MPHOSPH9: variants seen among roughly 807,000 people sequenced by gnomAD.
The protein encoded by MPHOSPH9 is M-phase phosphoprotein 9.
A neutral mutation model predicts 145.5 loss-of-function variants in MPHOSPH9; 88 were observed. That is an observed-to-expected ratio of 0.60 (90% CI 0.51 to 0.72). The LOEUF (loss-of-function observed/expected upper bound fraction) is 0.72. Among genes scored for constraint, MPHOSPH9 ranks in the 30% least tolerant of loss-of-function variants. The pLI is 0.00. For missense variants in MPHOSPH9, 1,238 were observed against 1,386.6 expected (o/e 0.89, Z 1.70); for synonymous variants, 435 against 486.2 (o/e 0.89, Z 1.39).
intron 13 of MPHOSPH9, among the ~76,000 whole-genome samples, chr12:123,182,235 G>A (rs780229971): frequency 2.7e-5 from 4 of 146,084 alleles, no homozygotes; most frequent in Non-Finnish European, 4.5e-5. Flanking sequence ...CATCATGCCC[G>A]GTGTTTTTTT....
chr12:123,221,562 G>C lies in MPHOSPH9; in HGVS notation c.682C>G (p.Gln228Glu). The change falls in exon 5 of 24, where the codon CAG becomes GAG. Residue 228 changes from glutamine (Q) to glutamate (E), a missense_variant. Gln to Glu is a conservative substitution (Grantham distance 29). This residue lies in a region of MPHOSPH9 where 837 missense variants were observed against 897.5 expected (regional missense o/e 0.93). Coordinates refer to ENST00000606320, the MANE Select transcript of MPHOSPH9 (RefSeq NM_022782.4). Reference protein sequence around the residue: ...FMEHIDVPKGQYVAPAVPAES... With the variant: ...FMEHIDVPKGEYVAPAVPAES... Reference sequence around the variant, plus strand: ...GCCGGCACCGCAGGTGCTACATACTGTCCTTTGGGAACATCTATGTGCTCC... The same window carrying C: ...GCCGGCACCGCAGGTGCTACATACTCTCCTTTGGGAACATCTATGTGCTCC... 2 of 1,614,108 alleles carry C rather than the reference G, an allele frequency of 1.2e-6. No individual in the cohort carries two copies. Among genetic ancestry groups the C allele is most frequent in the Non-Finnish European group, 1.7e-6 (2 of 1,180,010 alleles).
chr12:123,215,015 G>A (rs557995110), intron 6 of MPHOSPH9, among the ~76,000 whole-genome samples, 181 bp from the exon 7 acceptor site: 2 of 152,292 alleles, frequency 1.3e-5, no homozygotes, highest in South Asian at 2.1e-4. Flanking sequence ...AGGCCGAGGC[G>A]GGTGGATCAC....
At chr12:123,161,663 C>CAAAAAAAAAAAAA (rs201067689) in intron 21 of MPHOSPH9, among the ~76,000 whole-genome samples, 1 of 66,968 alleles carries the variant, frequency 1.5e-5, no homozygotes, top group African/African-American at 5.9e-5. Context: ...AAACTTAAAG[C>CAAAAAAAAAAAAA]AAAAAAAAAA....
At chr12:123,168,541 A>T (rs966162222) in intron 16 of MPHOSPH9, among the ~76,000 whole-genome samples, 12 of 151,592 alleles carry the variant, frequency 7.9e-5, no homozygotes, top group Non-Finnish European at 1.6e-4. Flanking sequence ...ACGGGGTTTC[A>T]CCGTGTTAGC....
At chr12:123,172,654 C>T (rs2044637833) in intron 16 of MPHOSPH9, among the ~76,000 whole-genome samples, 1 of 151,988 alleles carries the variant, frequency 6.6e-6, no homozygotes, top group African/African-American at 2.4e-5. Flanking sequence ...TTTCATGTGT[C>T]ATGAAATATT....
At chr12:123,184,226 T>C (rs1038061689) in intron 13 of MPHOSPH9, among the ~76,000 whole-genome samples, 24 of 151,622 alleles carry the variant, frequency 1.6e-4, no homozygotes, top group African/African-American at 5.6e-4. Context: ...TATTAACAAA[T>C]AATTTTCTTT....
At chr12:123,192,324 T>C (rs961090931) in intron 13 of MPHOSPH9, among the ~76,000 whole-genome samples, 4 of 151,292 alleles carry the variant, frequency 2.6e-5, no homozygotes, top group African/African-American at 9.7e-5. Flanking sequence ...TGTGGTGGCG[T>C]GCACCTGTAA....
At chr12:123,225,546 G>C (rs1490538040) in intron 3 of MPHOSPH9, among the ~76,000 whole-genome samples, 1 of 136,662 alleles carries the variant, frequency 7.3e-6, no homozygotes, top group East Asian at 2.4e-4. Context: ...GGGAGGGAGG[G>C]GGTGGGAGGG....
chr12:123,194,257 AG>A, intron 13 of MPHOSPH9, 128 bp downstream of exon 13: 1 of 659,586 alleles, frequency 1.5e-6, no homozygotes. Flanking sequence ...TGTCAGAGTG[AG>A]ACTCTGTCTC....
chr12:123,234,836 G>C (rs1260612939), upstream of MPHOSPH9, among the ~76,000 whole-genome samples: 3 of 152,168 alleles, frequency 2.0e-5, no homozygotes, highest in African/African-American at 7.2e-5. Context: ...GAACCTGCTG[G>C]GAAGTCAGGC....
At chr12:123,241,767 G>A (rs532468330) in intron 1 of MPHOSPH9, among the ~76,000 whole-genome samples, 9 of 152,274 alleles carry the variant, frequency 5.9e-5, no homozygotes, top group Non-Finnish European at 1.2e-4. Flanking sequence ...TGTTTGCTCC[G>A]GCCACAGGCC....
chr12:123,221,321 C>G (rs780560199), intron 5 of MPHOSPH9, 51 bp downstream of exon 5: 19 of 1,380,668 alleles, frequency 1.4e-5, no homozygotes, highest in East Asian at 2.3e-5. Flanking sequence ...AAAAGGAACA[C>G]TAGATTCTAA....
intron 1 of MPHOSPH9, among the ~76,000 whole-genome samples, chr12:123,232,559 T>C (rs1435945183): frequency 6.6e-6 from 1 of 151,966 alleles, no homozygotes; most frequent in Admixed American, 6.6e-5. Context: ...GACGGGAGGC[T>C]TGGGGGAGAG....
chr12:123,214,072 G>C (rs2046859368), intron 7 of MPHOSPH9, among the ~76,000 whole-genome samples: 1 of 152,088 alleles, frequency 6.6e-6, no homozygotes, highest in Non-Finnish European at 1.5e-5. Context: ...CTGTATATAA[G>C]GCCATTAAGA....
rs2043821198 is a variant in MPHOSPH9 at position 123,154,288 on chromosome 12, T to TA, written c.*2518dup. ...CCAAGCCAACAACAAAAATAGTTTA[T>TA]ACCCGGGGATAATAGCTGCTATTTA... On this transcript the variant is annotated 3_prime_UTR_variant, in exon 24 of 24. Coordinates refer to ENST00000606320, the MANE Select transcript of MPHOSPH9 (RefSeq NM_022782.4). 6.6e-6 allele frequency: 1 copy of TA among 151,726 alleles called. No individual in the cohort carries two copies. Among genetic ancestry groups the TA allele is most frequent in the Admixed American group, 6.6e-5 (1 of 15,218 alleles). The allele number at this position is 151,726 out of a possible 1,614,324, so 9.4% of individuals were successfully genotyped here. A position where few individuals can be genotyped will look rare whatever the true frequency, so the allele number is the denominator to read the frequency against.
At chr12:123,226,233 T>C (rs1204881442) in intron 3 of MPHOSPH9, 1 of 677,032 alleles carries the variant, frequency 1.5e-6, no homozygotes, top group African/African-American at 2.7e-5. Context: ...TTTAAGCATA[T>C]AATAATACTT....
At chr12:123,206,145 A>C (rs1174882618) in intron 8 of MPHOSPH9, among the ~76,000 whole-genome samples, 1 of 152,002 alleles carries the variant, frequency 6.6e-6, no homozygotes, top group Non-Finnish European at 1.5e-5. Context: ...AGAAACTAAC[A>C]CCAAGGTGAA....
rs368653843 is a variant in MPHOSPH9, at chr12:123,179,274, T to C, written c.2354+652A>G. ...CAAGATCTTACTTCTAAAAAAAGTT[T>C]TTAAAAATCAGCCAGGCTTGCCGGG... On this transcript the variant is annotated intron_variant, in intron 15 of 23. Coordinates refer to ENST00000606320, the MANE Select transcript of MPHOSPH9 (RefSeq NM_022782.4). Among the ~76,000 whole-genome samples the C allele has an allele frequency of 1.4e-4, 21 of 152,138 alleles. No individual in the cohort carries two copies. In the East Asian group the frequency reaches 1.7e-3, roughly 13 times the overall value.
intron 8 of MPHOSPH9, among the ~76,000 whole-genome samples, chr12:123,206,255 A>G (rs914750178): frequency 5.3e-5 from 8 of 151,082 alleles, no homozygotes; most frequent in Non-Finnish European, 1.0e-4. Flanking sequence ...TTGAGAGACC[A>G]GCTTGGGCAA....
Sources: gnomAD v4.1 joint callset for allele counts (sites outside exome capture counted in the v4.1 genomes callset) on GRCh38, gnomAD v4.1.1 for gene constraint, gnomAD v4.1.1 regional missense constraint, MANE v1.5 for transcripts, NCBI Gene and HGNC (gene_info 2026-07-23, HGNC 2026-07-21) for gene names.